The following LTBP2 variants were observed in gnomAD, a reference collection of about 807,000 sequenced individuals.
LTBP2 encodes the protein latent-transforming growth factor beta-binding protein 2.
LTBP2 carries 103 observed loss-of-function variants against 210.6 expected under a neutral mutation model. That is an observed-to-expected ratio of 0.49 (90% confidence interval 0.42 to 0.58). LTBP2 has a LOEUF of 0.58. Ranked by LOEUF, LTBP2 falls within the 20% of genes least tolerant of loss-of-function variation. The pLI is 0.00. For missense variants in LTBP2, 2,313 were observed against 2,494.5 expected (o/e 0.93, Z 1.55); for synonymous variants, 1,007 against 1,015.0 (o/e 0.99, Z 0.15).
At position 74,522,793 on chromosome 14, in the gene LTBP2, T is replaced by C; in HGVS notation, c.2656A>G (p.Thr886Ala). Reference sequence around the variant, plus strand: ...CCCAGGGCACCCAAGTGAATACCTGTGCAGTAGGCCTGGCTGGGGTGCAGC... The same window carrying C: ...CCCAGGGCACCCAAGTGAATACCTGCGCAGTAGGCCTGGCTGGGGTGCAGC... ...YQLHPSQAYCTDDNECLRDPC... is the reference protein window; with the variant it reads ...YQLHPSQAYCADDNECLRDPC... The change falls in exon 16 of 36, where the codon ACA (threonine) becomes GCA (alanine). Residue 886 changes from threonine to alanine, a missense_variant. Thr to Ala is a moderately conservative substitution (Grantham distance 58, BLOSUM62 0). Around this residue, in one of 3 missense-constraint regions of LTBP2, gnomAD observed 1,867 missense variants for 1,976.9 expected, o/e 0.94. Coordinates refer to ENST00000261978, the MANE Select transcript of LTBP2 (RefSeq NM_000428.3). 1 of 1,610,802 alleles carries C rather than the reference T, an allele frequency of 6.2e-7. No homozygotes were observed. The highest frequency in any genetic ancestry group is 8.5e-7 in the Non-Finnish European group (1 of 1,178,802).
In LTBP2 at chr14:74,581,806, C is replaced by G. The variant is rs150926725; in HGVS notation, c.830+4048G>C. Among the ~76,000 whole-genome samples the G allele has an allele frequency of 7.2e-5, 11 of 152,080 alleles. No homozygotes were observed. In the East Asian group the frequency reaches 2.1e-3, roughly 29 times the overall value. The stretch of plus-strand genomic sequence containing the variant: ...ATTTTGTGATCGTGTGTCATGGCAG[C>G]CATAGAAAACGAATACAGTGGATAA... On this transcript the variant is annotated intron_variant, in intron 3 of 35. Transcript: ENST00000261978.
intron 2 of LTBP2, among the ~76,000 whole-genome samples, chr14:74,601,298 C>A (rs76766564): frequency 0.022 from 3,373 of 152,252 alleles, 47 homozygotes; most frequent in Non-Finnish European, 0.032. Context: ...GTAAGCCCAG[C>A]ACTTTGGCAG....
intron 8 of LTBP2, among the ~76,000 whole-genome samples, chr14:74,545,681 A>G (rs1263124098): frequency 6.6e-6 from 1 of 152,246 alleles, no homozygotes; most frequent in Non-Finnish European, 1.5e-5. Flanking sequence ...TCTTTCTCAG[A>G]TGAAAACTCA....
intron 11 of LTBP2, 93 bp downstream of exon 11, chr14:74,528,865 T>C: frequency 5.8e-6 from 9 of 1,555,194 alleles, no homozygotes; most frequent in Non-Finnish European, 7.9e-6. Context: ...ACTTCAGTCT[T>C]CCAGATTGAG....
chr14:74,585,807 A>G (rs2088195896), intron 3 of LTBP2, 47 bp downstream of exon 3: 1 of 1,613,624 alleles, frequency 6.2e-7, no homozygotes, highest in African/African-American at 1.3e-5. Flanking sequence ...CCCCTCCAAA[A>G]AGAGACTGAG....
chr14:74,593,022 T>C (rs2088304428), intron 2 of LTBP2, among the ~76,000 whole-genome samples: 1 of 152,158 alleles, frequency 6.6e-6, no homozygotes, highest in Non-Finnish European at 1.5e-5. Flanking sequence ...TGTTCCGCTC[T>C]GTGGAGTCAG....
chr14:74,510,430 A>C (rs2087056257), intron 19 of LTBP2, among the ~76,000 whole-genome samples: 1 of 152,194 alleles, frequency 6.6e-6, no homozygotes, highest in South Asian at 2.1e-4. Flanking sequence ...CTAGTAACTC[A>C]GAGCACTCTG....
At chr14:74,572,305 GTC>G (rs199898944) in intron 3 of LTBP2, among the ~76,000 whole-genome samples, 39,409 of 148,386 alleles carry the variant, frequency 0.27, 6,392 homozygotes, top group Non-Finnish European at 0.37. Context: ...GTGTGTGTGT[GTC>G]TGTGTGTGTG....
chr14:74,543,377 CAAAAAAA>C (rs71119305), intron 8 of LTBP2, among the ~76,000 whole-genome samples: 1 of 96,630 alleles, frequency 1.0e-5, no homozygotes, highest in African/African-American at 4.9e-5. Context: ...GACTCCGTCT[CAAAAAAA>C]AAAAAAAAAA....
intron 4 of LTBP2, among the ~76,000 whole-genome samples, chr14:74,553,449 A>T (rs2087686904): frequency 6.6e-6 from 1 of 152,234 alleles, no homozygotes; most frequent in Non-Finnish European, 1.5e-5. Flanking sequence ...CGCAGCTAGC[A>T]AGTGATGCAG....
At chr14:74,504,649 G>T in intron 30 of LTBP2, 129 bp downstream of exon 30, 1 of 852,002 alleles carries the variant, frequency 1.2e-6, no homozygotes, top group Non-Finnish European at 2.0e-6. Context: ...AGTCAGCCCT[G>T]GGACAGAAAA....
Position 74,500,380 on chromosome 14 carries a change from TG to T in LTBP2, c.*503del. ...GAACAGATTGGCTGAGTGGTGGTGATGGTTCTTAGGAGGGGGCTCTGGAGTC... is the reference window on the plus strand; with the variant it reads ...GAACAGATTGGCTGAGTGGTGGTGATGTTCTTAGGAGGGGGCTCTGGAGTC... On this transcript the variant is annotated 3_prime_UTR_variant, in exon 36 of 36. Coordinates refer to ENST00000261978, the MANE Select transcript of LTBP2 (RefSeq NM_000428.3). 3.1e-6 allele frequency: 1 copy of T among 323,440 alleles called. No homozygotes were observed. The highest frequency in any genetic ancestry group is 5.8e-6 in the Non-Finnish European group (1 of 171,336). The allele number at this position is 323,440 out of a possible 1,614,324, so 20.0% of individuals were successfully genotyped here. A position where few individuals can be genotyped will look rare whatever the true frequency, so the allele number is the denominator to read the frequency against.
chr14:74,562,129 G>A (rs1178906265), intron 3 of LTBP2, among the ~76,000 whole-genome samples: 1 of 151,998 alleles, frequency 6.6e-6, no homozygotes, highest in Non-Finnish European at 1.5e-5. Context: ...AGAATTACTT[G>A]AACCTGGGAG....
intron 3 of LTBP2, among the ~76,000 whole-genome samples, chr14:74,576,107 T>C (rs1303093928): frequency 6.6e-6 from 1 of 152,180 alleles, no homozygotes; most frequent in Non-Finnish European, 1.5e-5. Flanking sequence ...GCCCTCAGTT[T>C]GCCTGGCTTC....
intron 2 of LTBP2, among the ~76,000 whole-genome samples, chr14:74,592,913 C>A (rs920133296): frequency 1.3e-5 from 2 of 152,106 alleles, no homozygotes; most frequent in Non-Finnish European, 1.5e-5. Context: ...CAGTCTCTAG[C>A]CATTCGTAAT....
rs148098033 is a variant in LTBP2 at position 74,558,795 on chromosome 14, A to G, written c.831-3102T>C. 2.5e-3 allele frequency among the ~76,000 whole-genome samples: 385 copies of G among 152,294 alleles called. 3 individuals are homozygous for G. Among genetic ancestry groups the G allele is most frequent in the African/African-American group, 8.8e-3 (365 of 41,564 alleles). ...GGGCCAGTTGGGTAGTTTTGCAGAGAGGAAAACCAAATAAACAAACCATGT... is the reference window on the plus strand; with the variant it reads ...GGGCCAGTTGGGTAGTTTTGCAGAGGGGAAAACCAAATAAACAAACCATGT... On this transcript the variant is annotated intron_variant, in intron 3 of 35. Transcript: ENST00000261978.
In LTBP2 at chr14:74,516,814, T is replaced by C; in HGVS notation, c.2908+8A>G. On this transcript the variant is annotated splice_region_variant and intron_variant, in intron 18 of 35. Coordinates refer to ENST00000261978, the MANE Select transcript of LTBP2 (RefSeq NM_000428.3). Reference sequence around the variant, plus strand: ...TGGCAGGGCGCTTCCCTCCTTCCCGTTCCTTACCTTGGCAGTGTCCTTTCC... The same window carrying C: ...TGGCAGGGCGCTTCCCTCCTTCCCGCTCCTTACCTTGGCAGTGTCCTTTCC... The C allele has an allele frequency of 6.4e-7, 1 of 1,551,668 alleles. No homozygotes were observed. Among genetic ancestry groups the C allele is most frequent in the Non-Finnish European group, 8.7e-7 (1 of 1,146,970 alleles).
chr14:74,566,387 ACT>A (rs1186724079), intron 3 of LTBP2, among the ~76,000 whole-genome samples: 2 of 152,086 alleles, frequency 1.3e-5, no homozygotes, highest in African/African-American at 4.8e-5. Context: ...CGTTCCCAGA[ACT>A]CTCTCTGCTG....
Position 74,528,672 on chromosome 14 carries a change from C to T in LTBP2, c.2179G>A (p.Gly727Ser), listed in dbSNP as rs770927088. Residue 727 changes from glycine (G) to serine (S), a missense_variant, in exon 12 of 36, where the codon GGC (glycine) becomes AGC (serine). Gly to Ser is a moderately conservative substitution (Grantham distance 56). Around this residue, in one of 3 missense-constraint regions of LTBP2, gnomAD observed 1,867 missense variants for 1,976.9 expected, o/e 0.94. Transcript: ENST00000261978. ...TEAFREICPAGHGYTYASSDI... is the reference protein window; with the variant it reads ...TEAFREICPASHGYTYASSDI... ...GAGCTCGCGTAGGTGTAGCCGTGGC[C>T]GGCAGGGCAGATCTCTCTGAAGGCC... is the stretch of plus-strand genomic sequence containing the variant. The T allele has an allele frequency of 1.9e-5, 31 of 1,612,688 alleles. No individual in the cohort carries two copies. Among genetic ancestry groups the T allele is most frequent in the Admixed American group, 3.3e-5 (2 of 60,014 alleles).
Sources: allele counts gnomAD v4.1 joint callset (sites outside exome capture counted in the v4.1 genomes callset), GRCh38; gene constraint gnomAD v4.1.1; regional missense constraint gnomAD v4.1.1; transcripts MANE v1.5; gene names NCBI Gene and HGNC (gene_info 2026-07-23, HGNC 2026-07-21).